ZIK1: variants seen among roughly 807,000 people sequenced by gnomAD.
ZIK1 encodes zinc finger protein interacting with ribonucleoprotein K.
Under a neutral mutation model 10.7 loss-of-function variants are expected in ZIK1, and 12 were observed. The observed-to-expected ratio is 1.12, with a 90% confidence interval of 0.72 to 1.81. The LOEUF (loss-of-function observed/expected upper bound fraction) is 1.81. Among genes scored for constraint, ZIK1 ranks in the 40% most tolerant of loss-of-function variants. ZIK1 has a pLI of 0.00. For missense variants in ZIK1, 497 were observed against 585.7 expected, an observed-to-expected ratio of 0.85 and a Z score of 1.56; for synonymous variants, 190 against 205.0, an observed-to-expected ratio of 0.93 and a Z score of 0.63.
At chr19:57,589,542 C>A in intron 3 of ZIK1, 1 of 985,418 alleles carries the variant, frequency 1.0e-6, no homozygotes, top group South Asian at 4.7e-5. Context: ...AACATTGACA[C>A]ACACATAATG....
chr19:57,588,732 C>T (rs1979393104), intron 3 of ZIK1, 67 bp downstream of exon 3: 2 of 1,369,030 alleles, frequency 1.5e-6, no homozygotes, highest in Non-Finnish European at 1.9e-6. Flanking sequence ...TCTCCACTTT[C>T]TTGGGATATG....
chr19:57,584,575 G>C, intron 1 of ZIK1, 186 bp downstream of exon 1: 1 of 1,407,198 alleles, frequency 7.1e-7, no homozygotes, highest in Non-Finnish European at 9.2e-7. Context: ...TAAACTCTTG[G>C]AGACACAGTG....
chr19:57,584,165 C>G lies in ZIK1; in HGVS notation c.-192C>G. 3 of 1,109,580 alleles carry G rather than the reference C, an allele frequency of 2.7e-6. No homozygotes were observed. Among genetic ancestry groups the G allele is most frequent in the Non-Finnish European group, 3.7e-6 (3 of 809,472 alleles). 68.7% of individuals were successfully genotyped at this position (1,109,580 alleles called of 1,614,324 possible). ...ACTTCAGTGGCGGTCATTTTTGCAG[C>G]GCTTGGGTGCATCCAGACCGTCAGA... On this transcript the variant is annotated 5_prime_UTR_variant, in exon 1 of 4. Transcript: ENST00000597850.
At chr19:57,584,688 GT>G in intron 1 of ZIK1, 1 of 1,339,298 alleles carries the variant, frequency 7.5e-7, no homozygotes. Flanking sequence ...TATGGTCTGA[GT>G]TAGGTCTTTC....
rs944106808 is a variant in ZIK1 at position 57,592,228 on chromosome 19, A to G, written c.*953A>G. ...GGCATGCCCTGATATCAAACATTCC[A>G]TAGGCCGATGTCACGCAGAAGACAA... On this transcript the variant is annotated 3_prime_UTR_variant, in exon 4 of 4. Transcript: ENST00000597850. 2.0e-5 allele frequency: 3 copies of G among 152,156 alleles called. No individual in the cohort carries two copies. Among genetic ancestry groups the G allele is most frequent in the East Asian group, 1.9e-4 (1 of 5,178 alleles). The allele number at this position is 152,156 out of a possible 1,614,324, so 9.4% of individuals were successfully genotyped here.
chr19:57,589,955 G>A (rs1458410700), intron 3 of ZIK1, 56 bp from the exon 4 acceptor site: 72 of 1,558,816 alleles, frequency 4.6e-5, no homozygotes, highest in Non-Finnish European at 5.9e-5. Context: ...GTGTAATGGG[G>A]CTTCTTGCTC....
At chr19:57,587,662 A>G (rs1027474913) in intron 2 of ZIK1, among the ~76,000 whole-genome samples, 4 of 152,178 alleles carry the variant, frequency 2.6e-5, no homozygotes, top group Admixed American at 2.6e-4. Context: ...TTGATAAGCC[A>G]CCCAGTTTGT....
rs1051564296 is a variant in ZIK1 at position 57,592,676 on chromosome 19, C to G, written c.*1401C>G. Reference sequence around the variant, plus strand: ...TGGAGGGACTCATGGTTGCCCTTCCCCAGGCCTGAAGAGAGAGTGCAGTCA... The same window carrying G: ...TGGAGGGACTCATGGTTGCCCTTCCGCAGGCCTGAAGAGAGAGTGCAGTCA... On this transcript the variant is annotated 3_prime_UTR_variant, in exon 4 of 4. Transcript: ENST00000597850. The G allele has an allele frequency of 1.3e-5, 2 of 152,150 alleles. No homozygotes were observed. The highest frequency in any genetic ancestry group is 4.8e-5 in the African/African-American group (2 of 41,426). The allele number at this position is 152,150 out of a possible 1,614,324, so 9.4% of individuals were successfully genotyped here.
At chr19:57,586,818 T>C (rs1009087427) in intron 2 of ZIK1, among the ~76,000 whole-genome samples, 4 of 152,208 alleles carry the variant, frequency 2.6e-5, no homozygotes, top group African/African-American at 9.6e-5. Context: ...TTCCAACCTC[T>C]GCCTGTTCCC....
rs79096980 is a variant in ZIK1 at position 57,592,966 on chromosome 19, C to A, written c.*1691C>A. 1 of 151,968 alleles carries A rather than the reference C, an allele frequency of 6.6e-6. No individual in the cohort carries two copies. The highest frequency in any genetic ancestry group is 1.5e-5 in the Non-Finnish European group (1 of 68,004). The allele number at this position is 151,968 out of a possible 1,614,324, so 9.4% of individuals were successfully genotyped here. On this transcript the variant is annotated 3_prime_UTR_variant, in exon 4 of 4. Coordinates refer to ENST00000597850, the MANE Select transcript of ZIK1 (RefSeq NM_001010879.4). ...GGAGTCCTGTCATTTACTTTCCCTA[C>A]AGGAGAATAGTTTGTGTTTTCTAGG...
Position 57,591,584 on chromosome 19 carries a change from A to C in ZIK1, c.*309A>C, listed in dbSNP as rs1979701785. On this transcript the variant is annotated 3_prime_UTR_variant, in exon 4 of 4. Transcript: ENST00000597850. ...TAAGTCTTTGGAGGAAATCTTGAGC[A>C]GTCTAAGCCTTTAGAGAAAATTCAT... 2 of 340,050 alleles carry C rather than the reference A, an allele frequency of 5.9e-6. No individual in the cohort carries two copies. Among genetic ancestry groups the C allele is most frequent in the Non-Finnish European group, 1.1e-5 (2 of 185,908 alleles). 21.1% of individuals were successfully genotyped at this position (340,050 alleles called of 1,614,324 possible).
At position 57,584,519 on chromosome 19, in the gene ZIK1, G is replaced by T. The variant is rs1017009240; in HGVS notation, c.33+130G>T. On this transcript the variant is annotated intron_variant, in intron 1 of 3. Transcript: ENST00000597850. ...TGGGGTCCCTATTTCCAGAACTTGG[G>T]TGATGGGGCACGGAAGAGGGTTACA... is the stretch of plus-strand genomic sequence containing the variant. The T allele has an allele frequency of 2.2e-5, 31 of 1,433,166 alleles. No individual in the cohort carries two copies. The Admixed American group carries it at 8.4e-4, about 39-fold the overall frequency. The allele number at this position is 1,433,166 out of a possible 1,614,324, so 88.8% of individuals were successfully genotyped here.
chr19:57,587,074 G>A (rs910537174), intron 2 of ZIK1, among the ~76,000 whole-genome samples: 1 of 152,140 alleles, frequency 6.6e-6, no homozygotes, highest in Non-Finnish European at 1.5e-5. Context: ...CTTGTTCAGG[G>A]GAACTCCCCC....
At chr19:57,584,724 G>C in intron 1 of ZIK1, 1 of 1,120,630 alleles carries the variant, frequency 8.9e-7, no homozygotes, top group Non-Finnish European at 1.2e-6. Flanking sequence ...ACCTCATGGA[G>C]TTAGACTAGA....
Position 57,590,732 on chromosome 19 carries a change from C to T in ZIK1, c.921C>T (p.Asn307=), listed in dbSNP as rs1267377646. 3 of 1,614,010 alleles carry T rather than the reference C, an allele frequency of 1.9e-6. No individual in the cohort carries two copies. Among genetic ancestry groups the T allele is most frequent in the Non-Finnish European group, 2.5e-6 (3 of 1,180,020 alleles). The change falls in exon 4 of 4, where the codon AAC becomes AAT. Residue 307 remains asparagine, a synonymous_variant. Transcript: ENST00000597850. ...AATGTGGAAAATTATTTAGACAAAA[C>T]TCCAGCCTTGTTGACCACCAGAAAA... The part of the protein sequence containing the change: ...CSECGKLFRQ[N]SSLVDHQKIH...
In ZIK1 at chr19:57,590,648, C is replaced by G; in HGVS notation, c.837C>G (p.Thr279=). ...CNECGKFFSQ[T]SHLNDHRRIH... The stretch of plus-strand genomic sequence containing the variant: ...AATGTGGAAAATTCTTTAGCCAAAC[C>G]TCCCACCTGAATGATCATCGGAGAA... The change falls in exon 4 of 4, where the codon ACC becomes ACG. Residue 279 remains threonine (T), a synonymous_variant. Transcript: ENST00000597850. The G allele has an allele frequency of 6.2e-7, 1 of 1,614,028 alleles. No individual in the cohort carries two copies. Among genetic ancestry groups the G allele is most frequent in the Non-Finnish European group, 8.5e-7 (1 of 1,180,002 alleles).
At position 57,584,286 on chromosome 19, in the gene ZIK1, G is replaced by A. The variant is rs548964668; in HGVS notation, c.-71G>A. ...GGTTCTAAGGGTCGGCGGCGGCGGG[G>A]TTGACGGCTTTGCCTAGGTCCCTCC... On this transcript the variant is annotated 5_prime_UTR_variant, in exon 1 of 4. Transcript: ENST00000597850. 36 of 1,530,098 alleles carry A rather than the reference G, an allele frequency of 2.4e-5. No homozygotes were observed. The African/African-American group carries it at 4.3e-4, about 18-fold the overall frequency. 94.8% of individuals were successfully genotyped at this position (1,530,098 alleles called of 1,614,324 possible).
rs542354885 is a variant in ZIK1 at position 57,591,267 on chromosome 19, AAC to A, written c.1460_1461del (p.Thr487IlefsTer5). The A allele has an allele frequency of 9.8e-5, 157 of 1,608,354 alleles. 1 individual carries two copies. In the African/African-American group the frequency reaches 1.9e-3, roughly 20 times the overall value. ...SSLIHHQKCH[N>X]T is the part of the protein sequence containing the mutation. ...CCTCATACATCACCAAAAATGTCATAACACATAGAGGCCTCATGAATGCAGCA... is the reference window on the plus strand; with the variant it reads ...CCTCATACATCACCAAAAATGTCATAACATAGAGGCCTCATGAATGCAGCA... On this transcript the variant is annotated frameshift_variant, in exon 4 of 4. Transcript: ENST00000597850. LOFTEE classifies it high-confidence loss of function.
At chr19:57,588,755 C>T in intron 3 of ZIK1, 90 bp downstream of exon 3, 1 of 1,291,888 alleles carries the variant, frequency 7.7e-7, no homozygotes, top group African/African-American at 1.5e-5. Flanking sequence ...CTATGGGATC[C>T]AGCACTGTGC....
Sources: gnomAD v4.1 joint callset for allele counts (sites outside exome capture counted in the v4.1 genomes callset) on GRCh38, gnomAD v4.1.1 for gene constraint, MANE v1.5 for transcripts, NCBI Gene and HGNC (gene_info 2026-07-23, HGNC 2026-07-21) for gene names.